HDAC9: variants seen among roughly 807,000 people sequenced by gnomAD.
HDAC9 encodes the protein MEF-2 interacting transcription repressor (MITR) protein.
Under a neutral mutation model 139.4 loss-of-function variants are expected in HDAC9, and 41 were observed. The ratio of observed to expected loss-of-function variants is 0.29; its 90% CI spans 0.23 to 0.38. The LOEUF (loss-of-function observed/expected upper bound fraction) is 0.38. HDAC9 is among the 10% of genes least tolerant of loss of function. The probability of loss-of-function intolerance (pLI) is 1.00; values close to 1 mark genes in which losing one functional copy is unlikely to be tolerated. For synonymous variants in HDAC9, 517 were observed against 476.2 expected (o/e 1.09, Z -1.12); for missense variants, 1,147 against 1,297.0 (o/e 0.88, Z 1.78).
At chr7:18,384,031 C>T (rs1785686007) in intron 1 of HDAC9, among the ~76,000 whole-genome samples, 1 of 152,074 alleles carries the variant, frequency 6.6e-6, no homozygotes, top group Non-Finnish European at 1.5e-5. Flanking sequence ...TACACATAGG[C>T]CAGGCATGGT....
At chr7:18,280,263 A>G (rs968309095) in intron 2 of HDAC9, among the ~76,000 whole-genome samples, 1 of 152,220 alleles carries the variant, frequency 6.6e-6, no homozygotes, top group South Asian at 2.1e-4. Flanking sequence ...ACCAGCTTGG[A>G]TAACATAGTG....
At chr7:18,460,718 G>C (rs1367530570) in intron 1 of HDAC9, among the ~76,000 whole-genome samples, 2 of 151,142 alleles carry the variant, frequency 1.3e-5, no homozygotes, top group Middle Eastern at 3.4e-3. Flanking sequence ...AACCCAGGAG[G>C]TGGAGGTTGC....
intron 21 of HDAC9, among the ~76,000 whole-genome samples, chr7:18,873,225 G>A (rs965583532): frequency 5.3e-5 from 8 of 152,206 alleles, no homozygotes; most frequent in Admixed American, 2.6e-4. Context: ...TAATACAATT[G>A]TGTATAGTAA....
intron 11 of HDAC9, among the ~76,000 whole-genome samples, chr7:18,653,737 A>C (rs1029119080): frequency 6.6e-6 from 1 of 152,168 alleles, no homozygotes; most frequent in African/African-American, 2.4e-5. Flanking sequence ...GCATGAATAT[A>C]ATTATGCTCA....
chr7:18,842,944 G>A (rs1562981614), intron 21 of HDAC9, among the ~76,000 whole-genome samples: 1 of 152,110 alleles, frequency 6.6e-6, no homozygotes, highest in South Asian at 2.1e-4. Flanking sequence ...TTTTGAAAGG[G>A]AAGTGATATC....
At chr7:18,250,966 T>C (rs979679813) in intron 2 of HDAC9, among the ~76,000 whole-genome samples, 2 of 151,942 alleles carry the variant, frequency 1.3e-5, no homozygotes, top group Non-Finnish European at 2.9e-5. Flanking sequence ...TTTTAATGGG[T>C]TTGTAGAAAT....
intron 22 of HDAC9, among the ~76,000 whole-genome samples, chr7:18,883,468 G>A (rs561209316): frequency 1.8e-4 from 27 of 152,120 alleles, no homozygotes; most frequent in African/African-American, 6.5e-4. Context: ...ATGCAGAAAA[G>A]GCATTTGACA....
chr7:18,228,579 GAGA>G (rs1382717264), intron 2 of HDAC9, among the ~76,000 whole-genome samples: 2 of 152,130 alleles, frequency 1.3e-5, no homozygotes, highest in African/African-American at 4.8e-5. Flanking sequence ...ACCAAGAAGT[GAGA>G]AGTTCTAGTG....
At chr7:18,635,979 A>AATT (rs1783762616) in intron 8 of HDAC9, among the ~76,000 whole-genome samples, 1 of 152,110 alleles carries the variant, frequency 6.6e-6, no homozygotes, top group South Asian at 2.1e-4. Flanking sequence ...ATGTATAATA[A>AATT]ATTATTTATA....
At chr7:18,597,817 G>T (rs1832891356) in intron 6 of HDAC9, among the ~76,000 whole-genome samples, 1 of 152,142 alleles carries the variant, frequency 6.6e-6, no homozygotes, top group Non-Finnish European at 1.5e-5. Context: ...CTCTTAAAGT[G>T]CACAAGCCAT....
intron 1 of HDAC9, among the ~76,000 whole-genome samples, chr7:18,087,710 TTGACTAG>T (rs1313057271): frequency 6.6e-6 from 1 of 152,176 alleles, no homozygotes; most frequent in African/African-American, 2.4e-5. Context: ...AAGCAGTTCC[TTGACTAG>T]TGGAAGGAGA....
chr7:18,975,894 T>A lies in HDAC9; in HGVS notation c.3111T>A (p.Val1037=), dbSNP rs763850039. 3.1e-6 allele frequency: 5 copies of A among 1,613,758 alleles called. No homozygotes were observed. The highest frequency in any genetic ancestry group is 4.2e-6 in the Non-Finnish European group (5 of 1,179,840). The change falls in exon 25 of 26, where the codon GTT becomes GTA. Residue 1037 remains valine, a synonymous_variant. Transcript: ENST00000686413. ...AGTTGCAAGAGGAGACAGAGACCGT[T>A]TCTGCCCTGGCCTCCCTAACAGTGG... ...GAQLQEETET[V]SALASLTVDV...
At chr7:18,388,677 C>A (rs1446135591) in intron 1 of HDAC9, among the ~76,000 whole-genome samples, 3 of 152,134 alleles carry the variant, frequency 2.0e-5, no homozygotes, top group Admixed American at 2.0e-4. Context: ...GTGCTTCTTT[C>A]TCTACTCAGT....
chr7:18,329,482 C>T (rs1230192169), intron 1 of HDAC9, among the ~76,000 whole-genome samples: 1 of 150,348 alleles, frequency 6.7e-6, no homozygotes, highest in Non-Finnish European at 1.5e-5. Context: ...CTTAGAAGGC[C>T]ACTTTGGTAA....
At chr7:18,483,158 T>C (rs1795712220) in intron 1 of HDAC9, among the ~76,000 whole-genome samples, 1 of 152,196 alleles carries the variant, frequency 6.6e-6, no homozygotes, top group South Asian at 2.1e-4. Context: ...ATAAGAAATA[T>C]GTGCTTAAGT....
At chr7:18,644,135 TACAC>T (rs1296096428) in intron 8 of HDAC9, among the ~76,000 whole-genome samples, 1 of 152,106 alleles carries the variant, frequency 6.6e-6, no homozygotes, top group African/African-American at 2.4e-5. Context: ...GATCTAAAAA[TACAC>T]CACACAGAAT....
At chr7:18,855,994 C>G (rs1255130985) in intron 21 of HDAC9, among the ~76,000 whole-genome samples, 7 of 152,122 alleles carry the variant, frequency 4.6e-5, no homozygotes, top group Non-Finnish European at 2.9e-5. Context: ...TGTCTAATTA[C>G]AAAGAATTCA....
At chr7:18,859,838 A>G (rs1797968034) in intron 21 of HDAC9, among the ~76,000 whole-genome samples, 1 of 129,774 alleles carries the variant, frequency 7.7e-6, no homozygotes, top group Non-Finnish European at 1.7e-5. Context: ...ATATATATAT[A>G]TATATATATA....
chr7:18,784,379 C>A (rs1791513535), intron 16 of HDAC9, among the ~76,000 whole-genome samples: 1 of 151,754 alleles, frequency 6.6e-6, no homozygotes, highest in Non-Finnish European at 1.5e-5. Context: ...AAAGCTAGCT[C>A]AAGAATTTTT....
Sources: allele counts gnomAD v4.1 joint callset (sites outside exome capture counted in the v4.1 genomes callset), GRCh38; gene constraint gnomAD v4.1.1; transcripts MANE v1.5; gene names NCBI Gene and HGNC (gene_info 2026-07-23, HGNC 2026-07-21).